Variants in CHD7 observed in about 807,000 individuals in gnomAD.
CHD7 encodes the protein ATP-dependent chromatin remodeler CHD7.
CHD7 carries 24 observed loss-of-function variants against 307.3 expected under a neutral mutation model. The ratio of observed to expected loss-of-function variants is 0.08; its 90% confidence interval spans 0.06 to 0.11. CHD7 has a LOEUF of 0.11. Ranked by LOEUF, CHD7 falls within the 10% of genes least tolerant of loss-of-function variation. CHD7 has a pLI of 1.00. For synonymous variants in CHD7, 1,363 were observed against 1,349.9 expected, an observed-to-expected ratio of 1.01 and a Z score of -0.21; for missense variants, 3,106 against 3,727.1, an observed-to-expected ratio of 0.83 and a Z score of 4.34.
rs1419904512 is a variant in CHD7 at position 60,865,822 on chromosome 8, C to T, written c.8883C>T (p.Ser2961=). ...ETLEGSDAEE[S]LDKTAESSLL... is the part of the protein sequence containing the mutation. ...TTGAAGGCAGCGATGCCGAGGAGAGCCTGGATAAGACTGCAGAGTCCTCCC... is the reference window on the plus strand; with the variant it reads ...TTGAAGGCAGCGATGCCGAGGAGAGTCTGGATAAGACTGCAGAGTCCTCCC... The change falls in exon 38 of 38, where the codon AGC becomes AGT. Residue 2961 remains serine, a synonymous_variant. Transcript: ENST00000423902. The surrounding 1 kb of genome is among the most constrained non-coding windows in gnomAD (Gnocchi z 4.3). 1 of 1,613,858 alleles carries T rather than the reference C, an allele frequency of 6.2e-7. No homozygotes were observed.
intron 1 of CHD7, among the ~76,000 whole-genome samples, chr8:60,721,156 T>C (rs1446189146): frequency 1.3e-5 from 2 of 152,170 alleles, no homozygotes; most frequent in East Asian, 3.8e-4. Flanking sequence ...AACTCATATG[T>C]TGAAGCCCCT....
At chr8:60,853,728 C>T (rs1805583543) in intron 31 of CHD7, among the ~76,000 whole-genome samples, 1 of 152,158 alleles carries the variant, frequency 6.6e-6, no homozygotes, top group African/African-American at 2.4e-5. Context: ...GTTGCATGGA[C>T]ACATTAGCAA....
At chr8:60,702,204 A>C (rs1161709137) in intron 1 of CHD7, among the ~76,000 whole-genome samples, 1 of 152,206 alleles carries the variant, frequency 6.6e-6, no homozygotes, top group African/African-American at 2.4e-5. Context: ...AGGGTGTATG[A>C]TGCAAAGCCC....
intron 8 of CHD7, 77 bp from the exon 9 acceptor site, chr8:60,819,930 G>T: frequency 1.0e-6 from 1 of 963,786 alleles, no homozygotes; most frequent in Non-Finnish European, 1.6e-6. Context: ...AAATATTATT[G>T]CTTGGTGAAA....
At position 60,801,528 on chromosome 8, in the gene CHD7, G is replaced by C; in HGVS notation, c.2377G>C (p.Glu793Gln). The C allele has an allele frequency of 6.4e-7, 1 of 1,565,946 alleles. No individual in the cohort carries two copies. Among genetic ancestry groups the C allele is most frequent in the Admixed American group, 1.9e-5 (1 of 53,016 alleles). The change falls in exon 6 of 38, where the codon GAA becomes CAA. Residue 793 changes from glutamate to glutamine, a missense_variant and splice_region_variant. By Grantham distance (29) the Glu-to-Gln change is conservative. Coordinates refer to ENST00000423902, the MANE Select transcript of CHD7 (RefSeq NM_017780.4). Reference protein sequence around the residue: ...PSNTSQSEQQESVDAEGPVVE... With the variant: ...PSNTSQSEQQQSVDAEGPVVE... ...TTGATGCACATGCCTTTTTTTTTAG[G>C]AATCTGTTGATGCAGAAGGCCCAGT...
intron 34 of CHD7, among the ~76,000 whole-genome samples, chr8:60,860,500 T>C (rs1805918905): frequency 6.6e-6 from 1 of 152,276 alleles, no homozygotes; most frequent in Non-Finnish European, 1.5e-5. Context: ...AGTGGCACAG[T>C]CTCTGCTCAC....
Position 60,724,274 on chromosome 8 carries a change from C to T in CHD7, c.-174-16985C>T, listed in dbSNP as rs145326081. Among the ~76,000 whole-genome samples, 10 of 152,280 alleles carry T rather than the reference C, an allele frequency of 6.6e-5. No individual in the cohort carries two copies. In the East Asian group the frequency reaches 1.9e-3, roughly 29 times the overall value. On this transcript the variant is annotated intron_variant, in intron 1 of 37. Transcript: ENST00000423902. The stretch of plus-strand genomic sequence containing the variant: ...GCAGTGTTTAATTCTTATTACAGCA[C>T]AAGAGTTCAGAACTTGGGTAACAGC...
intron 1 of CHD7, among the ~76,000 whole-genome samples, chr8:60,738,677 C>T (rs1289182754): frequency 6.6e-6 from 1 of 152,058 alleles, no homozygotes; most frequent in Non-Finnish European, 1.5e-5. Flanking sequence ...GGCATAGTTG[C>T]CAGCTGGGTC....
chr8:60,807,397 CTTGT>C (rs1812586043), intron 6 of CHD7, among the ~76,000 whole-genome samples: 3 of 152,198 alleles, frequency 2.0e-5, no homozygotes, highest in African/African-American at 2.4e-5. Flanking sequence ...CATATTATGA[CTTGT>C]TTAAGAGCCT....
chr8:60,837,545 C>T, intron 17 of CHD7, 123 bp from the exon 18 acceptor site: 2 of 811,766 alleles, frequency 2.5e-6, no homozygotes, highest in Non-Finnish European at 3.7e-6. Context: ...GACCTAATTA[C>T]TTCCCTAAGG....
chr8:60,740,601 A>G (rs999732857), intron 1 of CHD7, among the ~76,000 whole-genome samples: 8 of 152,250 alleles, frequency 5.3e-5, no homozygotes, highest in Non-Finnish European at 1.2e-4. Context: ...ACATAATGAA[A>G]TTATGAATTT....
intron 2 of CHD7, among the ~76,000 whole-genome samples, chr8:60,750,823 A>G (rs1217698750): frequency 6.6e-6 from 1 of 152,226 alleles, no homozygotes; most frequent in Non-Finnish European, 1.5e-5. Context: ...AACAAGTCAG[A>G]GTATAAATAA....
rs1261424171 is a variant in CHD7 at position 60,741,831 on chromosome 8, G to T, written c.399G>T (p.Arg133Ser). Residue 133 changes from arginine to serine, a missense_variant, in exon 2 of 38, where the codon AGG becomes AGT. By Grantham distance (110) the Arg-to-Ser change is moderately radical (BLOSUM62 -1). Around this residue, in one of 10 missense-constraint regions of CHD7, gnomAD observed 998 missense variants for 1,004.5 expected, o/e 0.99. Coordinates refer to ENST00000423902, the MANE Select transcript of CHD7 (RefSeq NM_017780.4). ...MGVYPGMQNE[R>S]HGQSFVDSSS... ...TCTACCCTGGCATGCAGAATGAGAG[G>T]CATGGGCAATCCTTTGTGGACAGCA... 6.2e-7 allele frequency: 1 copy of T among 1,613,938 alleles called. No homozygotes were observed. Among genetic ancestry groups the T allele is most frequent in the Non-Finnish European group, 8.5e-7 (1 of 1,179,868 alleles).
At chr8:60,852,272 C>T (rs760254997) in intron 29 of CHD7, 25 bp downstream of exon 29, 2 of 1,594,850 alleles carry the variant, frequency 1.3e-6, no homozygotes, top group Non-Finnish European at 8.6e-7. Flanking sequence ...GGTTTCCACT[C>T]AGCTCCCGGT....
At chr8:60,821,603 CATATGTATAAACATATATATACATATGT>C (rs1170865895) in intron 9 of CHD7, among the ~76,000 whole-genome samples, 159 bp from the exon 10 acceptor site, 3 of 149,658 alleles carry the variant, frequency 2.0e-5, no homozygotes, top group African/African-American at 2.5e-5. Flanking sequence ...TACACACATA[CATATGTATAAACATATATATACATATGT>C]ATATGTATAA....
intron 3 of CHD7, among the ~76,000 whole-genome samples, chr8:60,786,712 TAGGGCTG>T (rs901619036): frequency 6.6e-6 from 1 of 152,232 alleles, no homozygotes; most frequent in Non-Finnish European, 1.5e-5. Flanking sequence ...GTTATGATGT[TAGGGCTG>T]GCAGGTAAAG....
intron 1 of CHD7, among the ~76,000 whole-genome samples, chr8:60,697,281 T>G (rs1396007206): frequency 1.3e-5 from 2 of 152,192 alleles, no homozygotes; most frequent in Non-Finnish European, 2.9e-5. Context: ...AAGAAACACA[T>G]TTGAGCTGCA....
At chr8:60,791,009 G>C (rs553761361) in intron 3 of CHD7, among the ~76,000 whole-genome samples, 1 of 152,230 alleles carries the variant, frequency 6.6e-6, no homozygotes, top group South Asian at 2.1e-4. Context: ...TTGGGGAATA[G>C]TTCTGTATGC....
At chr8:60,740,066 C>G (rs920783870) in intron 1 of CHD7, among the ~76,000 whole-genome samples, 7 of 152,214 alleles carry the variant, frequency 4.6e-5, no homozygotes, top group Non-Finnish European at 2.9e-5. Flanking sequence ...AACAAAAACA[C>G]TTTCCTGTTT....
Sources: allele counts gnomAD v4.1 joint callset (sites outside exome capture counted in the v4.1 genomes callset), GRCh38; gene constraint gnomAD v4.1.1; regional missense constraint gnomAD v4.1.1; non-coding constraint Gnocchi (gnomAD v3.1); transcripts MANE v1.5; gene names NCBI Gene and HGNC (gene_info 2026-07-23, HGNC 2026-07-21).